CHRM2: variants seen among roughly 807,000 people sequenced by gnomAD.
CHRM2 encodes cholinergic receptor muscarinic 2.
Under a neutral mutation model 25.0 loss-of-function variants are expected in CHRM2, and 8 were observed. That is an observed-to-expected ratio of 0.32 (90% CI 0.19 to 0.58). CHRM2 has a LOEUF of 0.58. CHRM2 is among the 20% of genes least tolerant of loss of function. The pLI is 0.88. For missense variants in CHRM2, 440 were observed against 567.1 expected (o/e 0.78, Z 2.28); for synonymous variants, 202 against 205.7 (o/e 0.98, Z 0.15).
intron 3 of CHRM2, among the ~76,000 whole-genome samples, chr7:137,014,415 C>T (rs1461183359): frequency 6.6e-6 from 1 of 151,980 alleles, no homozygotes; most frequent in Non-Finnish European, 1.5e-5. Context: ...TGTCCTCTCA[C>T]TAATTTACTA....
intron 2 of CHRM2, among the ~76,000 whole-genome samples, chr7:136,946,327 C>G (rs936889257): frequency 1.3e-5 from 2 of 152,080 alleles, no homozygotes; most frequent in Non-Finnish European, 2.9e-5. Flanking sequence ...TATTAATTTG[C>G]AAAGCATTTA....
At chr7:136,980,713 T>C (rs1802428843) in intron 2 of CHRM2, among the ~76,000 whole-genome samples, 1 of 152,204 alleles carries the variant, frequency 6.6e-6, no homozygotes. Context: ...TGTGGTTTTG[T>C]CATTGGTTCT....
intron 3 of CHRM2, among the ~76,000 whole-genome samples, chr7:137,010,161 G>T (rs1046462204): frequency 1.3e-5 from 2 of 152,056 alleles, no homozygotes; most frequent in African/African-American, 2.4e-5. Context: ...AAATTTAAAT[G>T]ACATGCTCAG....
chr7:136,993,261 T>G (rs1010027478), intron 3 of CHRM2, among the ~76,000 whole-genome samples: 2 of 152,148 alleles, frequency 1.3e-5, no homozygotes, highest in African/African-American at 2.4e-5. Flanking sequence ...ATGCTCTTGC[T>G]TCAGCAAGTG....
rs112144176 is a variant in CHRM2, at chr7:136,949,792, T to G, written c.-124-42395T>G. 1.4e-3 allele frequency among the ~76,000 whole-genome samples: 214 copies of G among 151,722 alleles called. 4 individuals are homozygous for G. The highest frequency in any genetic ancestry group is 5.1e-3 in the African/African-American group (210 of 41,324). On this transcript the variant is annotated intron_variant, in intron 2 of 3. Coordinates refer to ENST00000680005, the MANE Select transcript of CHRM2 (RefSeq NM_001006630.2). The stretch of plus-strand genomic sequence containing the variant: ...TCTTGCTGTGTTGCCCAGGCTGGAG[T>G]GCAGTGGCGCGATCTCGGCTCACTG...
chr7:136,943,258 C>T (rs1245930864), intron 2 of CHRM2, among the ~76,000 whole-genome samples: 1 of 152,138 alleles, frequency 6.6e-6, no homozygotes, highest in Non-Finnish European at 1.5e-5. Context: ...AAATCTATCA[C>T]CTCCTAGACA....
rs1338440073 is a variant in CHRM2, at chr7:137,019,979, C to T, written c.*3713C>T. Reference sequence around the variant, plus strand: ...AGTTTGATAATATCCCTTTCAACAACCATAGTACCGGTGTTGCAAATAGTT... The same window carrying T: ...AGTTTGATAATATCCCTTTCAACAATCATAGTACCGGTGTTGCAAATAGTT... On this transcript the variant is annotated 3_prime_UTR_variant, in exon 4 of 4. Coordinates refer to ENST00000680005, the MANE Select transcript of CHRM2 (RefSeq NM_001006630.2). 6.6e-6 allele frequency: 1 copy of T among 151,826 alleles called. No homozygotes were observed. The highest frequency in any genetic ancestry group is 2.4e-5 in the African/African-American group (1 of 41,374). 9.4% of individuals were successfully genotyped at this position (151,826 alleles called of 1,614,324 possible). A position where few individuals can be genotyped will look rare whatever the true frequency, so the allele number is the denominator to read the frequency against.
At chr7:137,007,407 T>G (rs1391244861) in intron 3 of CHRM2, among the ~76,000 whole-genome samples, 1 of 152,000 alleles carries the variant, frequency 6.6e-6, no homozygotes, top group African/African-American at 2.4e-5. Flanking sequence ...AGTAAGATAT[T>G]TTGAAATAAA....
intron 2 of CHRM2, among the ~76,000 whole-genome samples, chr7:136,882,959 C>A (rs1796322863): frequency 6.6e-6 from 1 of 151,830 alleles, no homozygotes; most frequent in South Asian, 2.1e-4. Flanking sequence ...TTTACTTGAC[C>A]CAATGTAAAA....
chr7:136,996,186 A>C (rs1218180299), intron 3 of CHRM2, among the ~76,000 whole-genome samples: 1 of 151,926 alleles, frequency 6.6e-6, no homozygotes, highest in Non-Finnish European at 1.5e-5. Context: ...TTACAGTTTA[A>C]AGTATAAAAT....
In CHRM2 at chr7:136,994,527, T is replaced by C. The variant is rs1375708595; in HGVS notation, c.-47+2263T>C. ...TCTGCTCTTTTTTTCTTTTCTTTTTTTTTTTTTTTTTTTTTTTTTTGAGAC... is the reference window on the plus strand; with the variant it reads ...TCTGCTCTTTTTTTCTTTTCTTTTTCTTTTTTTTTTTTTTTTTTTTGAGAC... On this transcript the variant is annotated intron_variant, in intron 3 of 3. Coordinates refer to ENST00000680005, the MANE Select transcript of CHRM2 (RefSeq NM_001006630.2). Among the ~76,000 whole-genome samples the C allele has an allele frequency of 8.7e-3, 1,229 of 141,346 alleles. 26 individuals carry two copies. The highest frequency in any genetic ancestry group is 0.03 in the African/African-American group (1,152 of 37,950). 92.7% of individuals were successfully genotyped at this position (141,346 alleles called of 152,430 possible).
chr7:136,982,378 G>A (rs1009197258), intron 2 of CHRM2, among the ~76,000 whole-genome samples: 6 of 152,040 alleles, frequency 3.9e-5, no homozygotes, highest in African/African-American at 7.2e-5. Context: ...GCACATCAAC[G>A]GATGTTGACT....
chr7:136,899,068 A>G (rs766466225), intron 2 of CHRM2: 6 of 152,112 alleles, frequency 3.9e-5, no homozygotes, highest in Non-Finnish European at 8.8e-5. Context: ...ACTTACCCCA[A>G]AGGAATATTA....
intron 3 of CHRM2, among the ~76,000 whole-genome samples, chr7:137,001,704 C>G (rs1563119034): frequency 6.6e-6 from 1 of 152,120 alleles, no homozygotes; most frequent in African/African-American, 2.4e-5. Context: ...TACAATAGGT[C>G]TGTATCCCTT....
At chr7:136,964,189 AATT>A (rs956093111) in intron 2 of CHRM2, among the ~76,000 whole-genome samples, 22 of 152,266 alleles carry the variant, frequency 1.4e-4, no homozygotes, top group African/African-American at 4.3e-4. Context: ...TTTCAAAAAA[AATT>A]ATTATTAGTT....
intron 2 of CHRM2, among the ~76,000 whole-genome samples, chr7:136,931,466 C>A (rs190328945): frequency 9.2e-5 from 14 of 152,262 alleles, no homozygotes; most frequent in African/African-American, 3.1e-4. Flanking sequence ...TATGAAGATA[C>A]CTTTGGGTAC....
chr7:136,997,507 C>T (rs1441961001), intron 3 of CHRM2, among the ~76,000 whole-genome samples: 1 of 152,062 alleles, frequency 6.6e-6, no homozygotes, highest in African/African-American at 2.4e-5. Context: ...TTTTTAATGT[C>T]CAAACGCAGA....
At chr7:136,966,334 T>C (rs552266205) in intron 2 of CHRM2, among the ~76,000 whole-genome samples, 2 of 152,132 alleles carry the variant, frequency 1.3e-5, no homozygotes, top group South Asian at 2.1e-4. Flanking sequence ...ATTGTCGTGA[T>C]GGCAGATGTA....
intron 2 of CHRM2, among the ~76,000 whole-genome samples, chr7:136,874,532 TTC>T (rs1491413170): frequency 7.3e-6 from 1 of 137,110 alleles, no homozygotes; most frequent in African/African-American, 2.7e-5. Context: ...TCTCTTTTTT[TTC>T]TCTGTCTTCC....
Sources: gnomAD v4.1 joint callset for allele counts (sites outside exome capture counted in the v4.1 genomes callset) on GRCh38, gnomAD v4.1.1 for gene constraint, MANE v1.5 for transcripts, NCBI Gene and HGNC (gene_info 2026-07-23, HGNC 2026-07-21) for gene names.